Variants in EPB41L4B observed in about 807,000 individuals in gnomAD.
EPB41L4B encodes the protein band 4.1-like protein 4B.
EPB41L4B carries 30 observed loss-of-function variants against 112.5 expected under a neutral mutation model. The observed-to-expected ratio is 0.27, with a 90% CI of 0.20 to 0.36. The LOEUF is 0.36. Among genes scored for constraint, EPB41L4B ranks in the 10% least tolerant of loss-of-function variants. The pLI is 1.00. For missense variants in EPB41L4B, 1,024 were observed against 1,133.3 expected (o/e 0.90, Z 1.38); for synonymous variants, 408 against 439.7 (o/e 0.93, Z 0.90).
chr9:109,299,644 T>A lies in EPB41L4B; in HGVS notation c.307-19723A>T, dbSNP rs1564330132. 1.3e-5 allele frequency among the ~76,000 whole-genome samples: 2 copies of A among 152,180 alleles called. 1 individual carries two copies. Among genetic ancestry groups the A allele is most frequent in the South Asian group, 4.1e-4 (2 of 4,832 alleles). ...ACATACCTAGACAAAAGTGCACAGA[T>A]CATACATGTACAACTCAAAGAATTA... On this transcript the variant is annotated intron_variant, in intron 1 of 25. Coordinates refer to ENST00000374566, the MANE Select transcript of EPB41L4B (RefSeq NM_019114.5).
chr9:109,199,013 T>A (rs1172726823), intron 20 of EPB41L4B, among the ~76,000 whole-genome samples: 2 of 152,172 alleles, frequency 1.3e-5, no homozygotes, highest in Non-Finnish European at 2.9e-5. Context: ...CAATTATCTT[T>A]CTGCTTTGGA....
chr9:109,263,060 G>A lies in EPB41L4B; in HGVS notation c.621C>T (p.Leu207=). Residue 207 remains leucine, a synonymous_variant, in exon 6 of 26, where the codon CTC becomes CTT. Transcript: ENST00000374566. ...TAAAGATTAATGTACCTTGTAGACA[G>A]AGAGCAGCTAATTCCACAGCTGTTT... ...PYETAVELAA[L]CLQAELGECE... 6.3e-7 allele frequency: 1 copy of A among 1,595,020 alleles called. No homozygotes were observed.
chr9:109,257,112 G>T (rs565203012), intron 7 of EPB41L4B, among the ~76,000 whole-genome samples: 1 of 152,336 alleles, frequency 6.6e-6, no homozygotes, highest in East Asian at 1.9e-4. Context: ...TGGGTGGGGT[G>T]TGCCATACCC....
chr9:109,191,621 C>T (rs1009473388), intron 22 of EPB41L4B, among the ~76,000 whole-genome samples: 11 of 152,210 alleles, frequency 7.2e-5, no homozygotes, highest in Admixed American at 5.9e-4. Context: ...AAAGAAAAGA[C>T]CATTTAAATC....
intron 13 of EPB41L4B, among the ~76,000 whole-genome samples, chr9:109,248,174 A>G (rs537739859): frequency 4.4e-4 from 67 of 152,312 alleles, no homozygotes; most frequent in African/African-American, 1.6e-3. Flanking sequence ...CAGAAGCTCC[A>G]GTGATGCGCA....
chr9:109,259,238 G>C (rs1050514221), intron 6 of EPB41L4B, among the ~76,000 whole-genome samples: 2 of 152,190 alleles, frequency 1.3e-5, no homozygotes, highest in African/African-American at 2.4e-5. Context: ...TCACAGGCCT[G>C]CCCATTTGTT....
At chr9:109,180,613 C>T (rs1832020476) in intron 24 of EPB41L4B, among the ~76,000 whole-genome samples, 1 of 152,186 alleles carries the variant, frequency 6.6e-6, no homozygotes, top group African/African-American at 2.4e-5. Flanking sequence ...CACCTCTGCT[C>T]ATCCTCTGAA....
At chr9:109,251,060 A>C (rs532327972) in intron 13 of EPB41L4B, among the ~76,000 whole-genome samples, 17 of 152,324 alleles carry the variant, frequency 1.1e-4, no homozygotes, top group African/African-American at 4.1e-4. Flanking sequence ...AATTTCAGTA[A>C]AGGTGTTTAA....
chr9:109,319,885 G>C (rs1169446168), intron 1 of EPB41L4B, among the ~76,000 whole-genome samples: 4 of 152,170 alleles, frequency 2.6e-5, no homozygotes, highest in Admixed American at 1.3e-4. Flanking sequence ...CCAAGGACTA[G>C]GTGGGCGCCA....
At chr9:109,289,905 T>C (rs1044141429) in intron 1 of EPB41L4B, among the ~76,000 whole-genome samples, 1 of 152,246 alleles carries the variant, frequency 6.6e-6, no homozygotes, top group Non-Finnish European at 1.5e-5. Context: ...TTAAGAACAT[T>C]ACAAGTCTCA....
At chr9:109,178,015 G>A (rs1308312057) in intron 24 of EPB41L4B, among the ~76,000 whole-genome samples, 1 of 151,162 alleles carries the variant, frequency 6.6e-6, no homozygotes, top group Non-Finnish European at 1.5e-5. Flanking sequence ...AACCTCCTGG[G>A]CTCAGGTGAT....
At chr9:109,299,459 T>C (rs1419464976) in intron 1 of EPB41L4B, among the ~76,000 whole-genome samples, 3 of 152,082 alleles carry the variant, frequency 2.0e-5, no homozygotes, top group African/African-American at 7.2e-5. Context: ...TTCCTTTATG[T>C]TGAGATGGTG....
chr9:109,266,587 A>T lies in EPB41L4B; in HGVS notation c.533+886T>A, dbSNP rs534924051. On this transcript the variant is annotated intron_variant, in intron 4 of 25. Coordinates refer to ENST00000374566, the MANE Select transcript of EPB41L4B (RefSeq NM_019114.5). ...CACTGATGGAAAAGGGTAGAGGGAA[A>T]CTCCACATTTAAAATGTTACTCAAA... Among the ~76,000 whole-genome samples, 3 of 152,046 alleles carry T rather than the reference A, an allele frequency of 2.0e-5. No homozygotes were observed. The South Asian group carries it at 6.2e-4, about 32-fold the overall frequency.
chr9:109,172,828 T>C lies in EPB41L4B; in HGVS notation c.*1726A>G, dbSNP rs1354784427. 1 of 152,666 alleles carries C rather than the reference T, an allele frequency of 6.6e-6. No homozygotes were observed. Among genetic ancestry groups the C allele is most frequent in the Non-Finnish European group, 1.5e-5 (1 of 68,044 alleles). The allele number at this position is 152,666 out of a possible 1,614,324, so 9.5% of individuals were successfully genotyped here. A position where few individuals can be genotyped will look rare whatever the true frequency, so the allele number is the denominator to read the frequency against. ...ACATACATTCCTCATTTTACAACAATACTAGTAAATGAGGCATTACCTTTT... is the reference window on the plus strand; with the variant it reads ...ACATACATTCCTCATTTTACAACAACACTAGTAAATGAGGCATTACCTTTT... On this transcript the variant is annotated 3_prime_UTR_variant, in exon 26 of 26. Transcript: ENST00000374566.
intron 15 of EPB41L4B, chr9:109,239,976 CTA>C (rs1451001681): frequency 8.1e-6 from 8 of 985,280 alleles, no homozygotes; most frequent in Non-Finnish European, 9.6e-6. Context: ...GCTGCTGTGC[CTA>C]TAAGATCCAC....
chr9:109,269,209 AC>A (rs1835521012), intron 2 of EPB41L4B, among the ~76,000 whole-genome samples: 1 of 152,104 alleles, frequency 6.6e-6, no homozygotes, highest in South Asian at 2.1e-4. Flanking sequence ...AAAATTCACA[AC>A]CCCTTTATTC....
chr9:109,296,464 C>T (rs1836732777), intron 1 of EPB41L4B, among the ~76,000 whole-genome samples: 1 of 152,142 alleles, frequency 6.6e-6, no homozygotes, highest in South Asian at 2.1e-4. Context: ...AAATTTCTTA[C>T]CTAGCAAGGA....
At position 109,185,510 on chromosome 9, in the gene EPB41L4B, G is replaced by A. The variant is rs756236509; in HGVS notation, c.2397C>T (p.Tyr799=). 1.9e-6 allele frequency: 3 copies of A among 1,613,810 alleles called. No individual in the cohort carries two copies. The highest frequency in any genetic ancestry group is 2.7e-5 in the African/African-American group (2 of 74,912). The change falls in exon 23 of 26, where the codon TAC becomes TAT. Residue 799 remains tyrosine (Y), a synonymous_variant. Coordinates refer to ENST00000374566, the MANE Select transcript of EPB41L4B (RefSeq NM_019114.5). ...CTACCAGCCTCGTTTTGATTGGAGG[G>A]TACATGCAAACTCCAGTGGTCTCTT... ...MKEETTGVCM[Y]PPIKTRLIKT... is the part of the protein sequence containing the mutation.
At chr9:109,211,904 T>TGGCG (rs111715992) in intron 17 of EPB41L4B, among the ~76,000 whole-genome samples, 1 of 148,444 alleles carries the variant, frequency 6.7e-6, no homozygotes, top group Non-Finnish European at 1.5e-5. Flanking sequence ...ATAGTAGAGA[T>TGGCG]GGGGGGGGTC....
Sources: allele counts gnomAD v4.1 joint callset (sites outside exome capture counted in the v4.1 genomes callset), GRCh38; gene constraint gnomAD v4.1.1; transcripts MANE v1.5; gene names NCBI Gene and HGNC (gene_info 2026-07-23, HGNC 2026-07-21).